The following KHDC4 variants were observed in gnomAD, a reference collection of about 807,000 sequenced individuals.
KHDC4 encodes KH homology domain-containing protein 4.
In KHDC4, 19 loss-of-function variants were observed where a neutral mutation model predicts 74.5. The observed-to-expected ratio is 0.26, with a 90% CI of 0.18 to 0.37. The LOEUF is 0.37. Among genes scored for constraint, KHDC4 ranks in the 10% least tolerant of loss-of-function variants. The pLI is 1.00. For synonymous variants in KHDC4, 253 were observed against 266.1 expected (o/e 0.95, Z 0.48); for missense variants, 632 against 754.1 (o/e 0.84, Z 1.90).
rs1673681737 is a variant in KHDC4, at chr1:155,914,105, T to G, written c.*16A>C. On this transcript the variant is annotated 3_prime_UTR_variant, in exon 14 of 14. Coordinates refer to ENST00000368321, the MANE Select transcript of KHDC4 (RefSeq NM_014949.4). ...AAGAAGAGTCACTGAGGGTCAAAAC[T>G]CTGTTCCACTGTTTCCTAGGGAGCC... is the stretch of plus-strand genomic sequence containing the variant. 1 of 1,606,554 alleles carries G rather than the reference T, an allele frequency of 6.2e-7. No homozygotes were observed. The highest frequency in any genetic ancestry group is 8.5e-7 in the Non-Finnish European group (1 of 1,173,150).
At chr1:155,925,930 A>G (rs1673981699) in intron 6 of KHDC4, 87 bp from the exon 7 acceptor site, 1 of 1,140,734 alleles carries the variant, frequency 8.8e-7, no homozygotes, top group Admixed American at 1.7e-5. Flanking sequence ...AAATTATAGC[A>G]AAGACAGTCT....
chr1:155,924,027 CT>C (rs34921791), intron 7 of KHDC4, among the ~76,000 whole-genome samples: 1 of 151,902 alleles, frequency 6.6e-6, no homozygotes, highest in African/African-American at 2.4e-5. Flanking sequence ...TTAAGATTTG[CT>C]TTTTTTTGGC....
intron 10 of KHDC4, chr1:155,919,978 T>C: frequency 1.9e-6 from 1 of 518,496 alleles, no homozygotes; most frequent in Non-Finnish European, 3.9e-6. Context: ...GAGGCTGCCA[T>C]TTGCTATGGC....
rs935857911 is a variant in KHDC4 at position 155,933,163 on chromosome 1, G to T, written c.255+470C>A. On this transcript the variant is annotated intron_variant, in intron 2 of 13. Coordinates refer to ENST00000368321, the MANE Select transcript of KHDC4 (RefSeq NM_014949.4). ...AAATGTAATCAGCCCAATCAAAAACGCCTCGTAAATATGTATTTGTAACAA... is the reference window on the plus strand; with the variant it reads ...AAATGTAATCAGCCCAATCAAAAACTCCTCGTAAATATGTATTTGTAACAA... Among the ~76,000 whole-genome samples, 22 of 152,046 alleles carry T rather than the reference G, an allele frequency of 1.4e-4. No homozygotes were observed. The East Asian group carries it at 4.2e-3, about 29-fold the overall frequency.
At chr1:155,926,868 A>G (rs777281456) in intron 5 of KHDC4, 29 bp from the exon 6 acceptor site, 1 of 1,612,828 alleles carries the variant, frequency 6.2e-7, no homozygotes, top group South Asian at 1.1e-5. Context: ...GTAAAACTGA[A>G]TGGAATGAAC....
chr1:155,929,276 C>A lies in KHDC4; in HGVS notation c.464+20G>T. 6.3e-7 allele frequency: 1 copy of A among 1,582,114 alleles called. No homozygotes were observed. Among genetic ancestry groups the A allele is most frequent in the Non-Finnish European group, 8.7e-7 (1 of 1,151,420 alleles). On this transcript the variant is annotated intron_variant, in intron 4 of 13. Transcript: ENST00000368321. ...GTCATACACCCAACCCTTCCATAAA[C>A]AAGATAAGAGAATACGCACCCTGGT...
At chr1:155,922,241 G>A (rs1673884371) in intron 8 of KHDC4, among the ~76,000 whole-genome samples, 1 of 149,882 alleles carries the variant, frequency 6.7e-6, no homozygotes, top group African/African-American at 2.5e-5. Context: ...CACCTTCACG[G>A]TTTAAGCGAT....
Position 155,925,828 on chromosome 1 carries a change from C to G in KHDC4, c.697G>C (p.Asp233His). The G allele has an allele frequency of 6.2e-7, 1 of 1,612,294 alleles. No individual in the cohort carries two copies. The highest frequency in any genetic ancestry group is 8.5e-7 in the Non-Finnish European group (1 of 1,178,358). Residue 233 changes from aspartate (D) to histidine (H), a missense_variant, in exon 7 of 14, where the codon GAT (aspartate) becomes CAT (histidine). Coordinates refer to ENST00000368321, the MANE Select transcript of KHDC4 (RefSeq NM_014949.4). ...PFQSGMHYVQ[D>H]KLFVGLEHAV... ...TGTTCTAGACCCACAAATAATTTAT[C>G]TTGAACATAATGCATCTGTAGGAAG...
chr1:155,934,384 T>G lies in KHDC4; in HGVS notation c.-11A>C. On this transcript the variant is annotated 5_prime_UTR_variant, in exon 1 of 14. Coordinates refer to ENST00000368321, the MANE Select transcript of KHDC4 (RefSeq NM_014949.4). ...GCTCCCCGCGGACATGGCGACCGCT[T>G]CTACTCAACCACCCGCCAACTATCC... The G allele has an allele frequency of 5.6e-6, 9 of 1,612,176 alleles. No individual in the cohort carries two copies. The highest frequency in any genetic ancestry group is 7.6e-6 in the Non-Finnish European group (9 of 1,179,882).
At chr1:155,916,897 G>T in intron 11 of KHDC4, 160 bp from the exon 12 acceptor site, 2 of 544,608 alleles carry the variant, frequency 3.7e-6, no homozygotes, top group Non-Finnish European at 6.5e-6. Flanking sequence ...GTAGTCAAAA[G>T]TAGGGATTTT....
chr1:155,930,390 C>T (rs1674116141), intron 2 of KHDC4, among the ~76,000 whole-genome samples: 1 of 152,170 alleles, frequency 6.6e-6, no homozygotes, highest in Admixed American at 6.5e-5. Flanking sequence ...AGTCAATCTG[C>T]TTGAAGGCCA....
intron 2 of KHDC4, among the ~76,000 whole-genome samples, chr1:155,933,298 T>TC (rs1674183096): frequency 6.6e-6 from 1 of 152,184 alleles, no homozygotes; most frequent in East Asian, 1.9e-4. Flanking sequence ...CAACTTTTTT[T>TC]TTTTTTTTTT....
rs1051969237 is a variant in KHDC4 at position 155,933,817 on chromosome 1, G to A, written c.71C>T (p.Ala24Val). 1.3e-6 allele frequency: 2 copies of A among 1,585,146 alleles called. No homozygotes were observed. Among genetic ancestry groups the A allele is most frequent in the Non-Finnish European group, 1.7e-6 (2 of 1,164,102 alleles). ...CGCTGGCGGGAGGAAGAGAAGTGGG[G>A]CTGGAGCTGGTTGGTCCCATTTGCT... ...RRSKWDQPAP[A>V]PLLFLPPAAP... is the part of the protein sequence containing the mutation. Residue 24 changes from alanine (A) to valine (V), a missense_variant, in exon 2 of 14, where the codon GCC becomes GTC. By Grantham distance (64) the Ala-to-Val change is moderately conservative (BLOSUM62 0). Coordinates refer to ENST00000368321, the MANE Select transcript of KHDC4 (RefSeq NM_014949.4).
intron 6 of KHDC4, 174 bp from the exon 7 acceptor site, chr1:155,926,017 C>A: frequency 1.3e-6 from 1 of 763,730 alleles, no homozygotes; most frequent in Non-Finnish European, 2.4e-6. Flanking sequence ...CTCTCTCCAA[C>A]CCTTTTTTCT....
chr1:155,929,208 G>A, intron 4 of KHDC4, 88 bp downstream of exon 4: 1 of 885,560 alleles, frequency 1.1e-6, no homozygotes, highest in East Asian at 2.4e-5. Flanking sequence ...CAAATATTGT[G>A]TACACGTATT....
intron 10 of KHDC4, among the ~76,000 whole-genome samples, chr1:155,920,706 A>AT (rs1437563995): frequency 6.6e-6 from 1 of 151,730 alleles, no homozygotes; most frequent in East Asian, 1.9e-4. Context: ...TGTCCAGTTA[A>AT]TTTTTTTTGT....
chr1:155,933,195 T>C (rs1313379901), intron 2 of KHDC4, among the ~76,000 whole-genome samples: 1 of 152,208 alleles, frequency 6.6e-6, no homozygotes, highest in Non-Finnish European at 1.5e-5. Context: ...ACAAAATGTG[T>C]TCTGGAACAT....
intron 8 of KHDC4, among the ~76,000 whole-genome samples, chr1:155,922,266 C>T (rs768484099): frequency 2.6e-4 from 40 of 151,924 alleles, no homozygotes; most frequent in Non-Finnish European, 5.0e-4. Context: ...CTGCTTCAGC[C>T]TCCCAAGTAG....
rs748700736 is a variant in KHDC4 at position 155,917,584 on chromosome 1, G to GGGGGCT, written c.1349_1354dup (p.Gln450_Pro451dup). 9.1e-4 allele frequency: 1,466 copies of GGGGGCT among 1,604,814 alleles called. 2 individuals are homozygous for GGGGGCT. Among genetic ancestry groups the GGGGGCT allele is most frequent in the Non-Finnish European group, 1.2e-3 (1,353 of 1,174,528 alleles). ...CTGTGCCTGGGGCTGACTTGGGAGT[G>GGGGGCT]GGGGCTGGGGCTGGGGCTGGGGCTG... On this transcript the variant is annotated inframe_insertion, in exon 11 of 14. Transcript: ENST00000368321.
Sources: allele counts gnomAD v4.1 joint callset (sites outside exome capture counted in the v4.1 genomes callset), GRCh38; gene constraint gnomAD v4.1.1; transcripts MANE v1.5; gene names NCBI Gene and HGNC (gene_info 2026-07-23, HGNC 2026-07-21).